The following NDUFAF2 variants were observed in gnomAD, a reference collection of about 807,000 sequenced individuals.
NDUFAF2 encodes the protein NADH dehydrogenase [ubiquinone] 1 alpha subcomplex assembly factor 2.
In NDUFAF2, 13 loss-of-function variants were observed where a neutral mutation model predicts 22.8. The observed-to-expected ratio is 0.57, with a 90% CI of 0.37 to 0.91. The LOEUF (loss-of-function observed/expected upper bound fraction) is 0.91. Ranked by LOEUF, NDUFAF2 falls within the 40% of genes least tolerant of loss-of-function variation. The pLI is 0.01. For synonymous variants in NDUFAF2, 53 were observed against 64.2 expected (o/e 0.83, Z 0.84); for missense variants, 162 against 195.2 (o/e 0.83, Z 1.01).
At chr5:61,086,175 A>G (rs59453232) in intron 2 of NDUFAF2, among the ~76,000 whole-genome samples, 3,016 of 152,260 alleles carry the variant, frequency 0.02, 116 homozygotes, top group African/African-American at 0.069. Flanking sequence ...GAAAAATTAA[A>G]GAAGACTTAA....
chr5:60,967,217 G>A (rs1409583882), intron 1 of NDUFAF2, among the ~76,000 whole-genome samples: 1 of 151,924 alleles, frequency 6.6e-6, no homozygotes, highest in Non-Finnish European at 1.5e-5. Context: ...TTCACTAAAT[G>A]TATTAGTAAC....
chr5:61,063,646 G>A (rs1236180494), intron 1 of NDUFAF2, among the ~76,000 whole-genome samples: 1 of 152,076 alleles, frequency 6.6e-6, no homozygotes, highest in African/African-American at 2.4e-5. Context: ...ATGCATCAAT[G>A]TTGAGTAATT....
chr5:61,082,812 A>G (rs973972465), intron 2 of NDUFAF2, among the ~76,000 whole-genome samples: 6 of 152,174 alleles, frequency 3.9e-5, no homozygotes, highest in African/African-American at 9.7e-5. Flanking sequence ...TGCTATTGTG[A>G]ATAGTGCTGC....
chr5:61,032,539 G>A (rs1175961538), intron 1 of NDUFAF2, among the ~76,000 whole-genome samples: 5 of 152,066 alleles, frequency 3.3e-5, no homozygotes, highest in Admixed American at 3.3e-4. Flanking sequence ...GGTTGTAGAT[G>A]TGTGGTATTA....
At chr5:61,091,418 A>G (rs1386061010) in intron 2 of NDUFAF2, among the ~76,000 whole-genome samples, 1 of 152,110 alleles carries the variant, frequency 6.6e-6, no homozygotes, top group Non-Finnish European at 1.5e-5. Context: ...TTCTTTAACA[A>G]TCAGTAATGA....
rs1750767788 is a variant in NDUFAF2 at position 60,967,158 on chromosome 5, G to A, written c.127+21776G>A. 1.3e-5 allele frequency among the ~76,000 whole-genome samples: 2 copies of A among 151,864 alleles called. 1 individual carries two copies. The highest frequency in any genetic ancestry group is 4.1e-4 in the South Asian group (2 of 4,822). On this transcript the variant is annotated intron_variant, in intron 1 of 3. Transcript: ENST00000296597. ...TATTCTTTTATTGGATAGTTTATCA[G>A]TGTATAGAAACACTGATTTTTTGTG...
chr5:61,103,955 T>C (rs1030336693), intron 3 of NDUFAF2, among the ~76,000 whole-genome samples: 1 of 152,138 alleles, frequency 6.6e-6, no homozygotes, highest in African/African-American at 2.4e-5. Context: ...TATTTAACAC[T>C]TTATTATTAA....
chr5:61,104,493 C>T (rs1170771449), intron 3 of NDUFAF2, among the ~76,000 whole-genome samples: 3 of 152,028 alleles, frequency 2.0e-5, no homozygotes, highest in South Asian at 4.2e-4. Context: ...ATTCTAGAAA[C>T]GAATAGAGAA....
chr5:61,040,286 A>ACACACACGCGCGCGCGCG (rs1491193758), intron 1 of NDUFAF2, among the ~76,000 whole-genome samples: 7 of 93,072 alleles, frequency 7.5e-5, no homozygotes, highest in South Asian at 4.1e-4. Context: ...ACACACACAC[A>ACACACACGCGCGCGCGCG]CGCGCGCGCG....
At chr5:61,099,613 A>G (rs1237277785) in intron 3 of NDUFAF2, among the ~76,000 whole-genome samples, 2 of 151,650 alleles carry the variant, frequency 1.3e-5, no homozygotes, top group East Asian at 3.9e-4. Flanking sequence ...TATGGTATAT[A>G]TGTTTTACAA....
intron 1 of NDUFAF2, among the ~76,000 whole-genome samples, chr5:60,961,200 C>T (rs1444205799): frequency 1.3e-5 from 2 of 152,142 alleles, no homozygotes; most frequent in African/African-American, 4.8e-5. Context: ...TGGTTCACGC[C>T]TGTAATCCTA....
chr5:61,029,863 CTTT>C (rs1414500720), intron 1 of NDUFAF2, among the ~76,000 whole-genome samples: 2 of 152,160 alleles, frequency 1.3e-5, no homozygotes, highest in African/African-American at 2.4e-5. Flanking sequence ...GCCCAATCTT[CTTT>C]TCACAGTCAC....
At chr5:60,971,098 CTA>C (rs1750820706) in intron 1 of NDUFAF2, among the ~76,000 whole-genome samples, 2 of 149,794 alleles carry the variant, frequency 1.3e-5, no homozygotes, top group Admixed American at 6.6e-5. Flanking sequence ...TTAATGCTCT[CTA>C]ATTCTATTTT....
chr5:61,132,815 G>C (rs1753129184), intron 3 of NDUFAF2, among the ~76,000 whole-genome samples: 1 of 152,114 alleles, frequency 6.6e-6, no homozygotes, highest in Non-Finnish European at 1.5e-5. Context: ...TGTTATTGCT[G>C]CTGTAGTGTT....
Position 61,013,429 on chromosome 5 carries a change from A to G in NDUFAF2, c.128-59696A>G, listed in dbSNP as rs1334212696. On this transcript the variant is annotated intron_variant, in intron 1 of 3. Coordinates refer to ENST00000296597, the MANE Select transcript of NDUFAF2 (RefSeq NM_174889.5). Reference sequence around the variant, plus strand: ...TTCAACTCTCTTAAGGTATTTTAAGATTTTTTCTGTGTTATATTGATTTAA... The same window carrying G: ...TTCAACTCTCTTAAGGTATTTTAAGGTTTTTTCTGTGTTATATTGATTTAA... Among the ~76,000 whole-genome samples, 5 of 152,006 alleles carry G rather than the reference A, an allele frequency of 3.3e-5. No homozygotes were observed. The South Asian group carries it at 8.3e-4, about 25-fold the overall frequency.
chr5:61,060,552 A>G (rs986310806), intron 1 of NDUFAF2, among the ~76,000 whole-genome samples: 1 of 152,170 alleles, frequency 6.6e-6, no homozygotes, highest in Admixed American at 6.6e-5. Context: ...CAGTCAGACT[A>G]TAAGGATCTT....
At chr5:61,068,030 A>G (rs1752252160) in intron 1 of NDUFAF2, among the ~76,000 whole-genome samples, 1 of 152,130 alleles carries the variant, frequency 6.6e-6, no homozygotes, top group Admixed American at 6.6e-5. Flanking sequence ...ATTTATTTTA[A>G]ATACATAAAA....
At chr5:60,960,354 A>T (rs963396506) in intron 1 of NDUFAF2, among the ~76,000 whole-genome samples, 2 of 152,198 alleles carry the variant, frequency 1.3e-5, no homozygotes, top group African/African-American at 4.8e-5. Flanking sequence ...GAATATAATA[A>T]ATGAGGGAAA....
At chr5:61,010,018 C>T (rs1174055512) in intron 1 of NDUFAF2, among the ~76,000 whole-genome samples, 1 of 152,118 alleles carries the variant, frequency 6.6e-6, no homozygotes, top group Admixed American at 6.6e-5. Context: ...AATGTTCCTT[C>T]AATTGTCTGT....
Sources: gnomAD v4.1 joint callset for allele counts (sites outside exome capture counted in the v4.1 genomes callset) on GRCh38, gnomAD v4.1.1 for gene constraint, MANE v1.5 for transcripts, NCBI Gene and HGNC (gene_info 2026-07-23, HGNC 2026-07-21) for gene names.